Variants in CAMSAP1 observed in about 807,000 individuals in gnomAD.
CAMSAP1 encodes the protein calmodulin regulated spectrin associated protein 1, also known as calmodulin-regulated spectrin-associated protein 1.
A neutral mutation model predicts 143.5 loss-of-function variants in CAMSAP1; 58 were observed. That is an observed-to-expected ratio of 0.40 (90% CI 0.33 to 0.50). The LOEUF is 0.50. Among genes scored for constraint, CAMSAP1 ranks in the 20% least tolerant of loss-of-function variants. The pLI, the probability that CAMSAP1 is intolerant of heterozygous loss-of-function variation, is 0.45. For missense variants in CAMSAP1, 1,969 were observed against 2,115.7 expected, an observed-to-expected ratio of 0.93 and a Z score of 1.36; for synonymous variants, 945 against 859.3, an observed-to-expected ratio of 1.10 and a Z score of -1.74.
chr9:135,815,946 C>T lies in CAMSAP1; in HGVS notation c.4331G>A (p.Arg1444Gln), dbSNP rs144593848. 6 of 1,613,778 alleles carry T rather than the reference C, an allele frequency of 3.7e-6. No homozygotes were observed. The African/African-American group carries it at 5.3e-5, about 14-fold the overall frequency. ...LSRNPSRSTDRDWETASAASS... is the reference protein window; with the variant it reads ...LSRNPSRSTDQDWETASAASS... The stretch of plus-strand genomic sequence containing the variant: ...TGCCGCCGACGCGGTCTCCCAGTCT[C>T]GGTCTGTGCTCCTGCTTGGGTTACG... The change falls in exon 15 of 17, where the codon CGA becomes CAA. Residue 1444 changes from arginine to glutamine, a missense_variant. This residue lies in a region of CAMSAP1 where 1,390 missense variants were observed against 1,420.8 expected (regional missense o/e 0.98). Transcript: ENST00000389532.
Position 135,818,719 on chromosome 9 carries a change from C to A in CAMSAP1, c.3960-103G>T, listed in dbSNP as rs1272784537. 3 of 1,358,530 alleles carry A rather than the reference C, an allele frequency of 2.2e-6. No individual in the cohort carries two copies. The African/African-American group carries it at 4.3e-5, about 20-fold the overall frequency. 84.2% of individuals were successfully genotyped at this position (1,358,530 alleles called of 1,614,324 possible). On this transcript the variant is annotated intron_variant, in intron 12 of 16. Coordinates refer to ENST00000389532, the MANE Select transcript of CAMSAP1 (RefSeq NM_015447.4). This position sits in a 1 kb window ranked among gnomAD's most constrained non-coding sequence, Gnocchi z 7.7. ...GGCGCGTTTCTCGGGTTCTCCCCGGCCGCTGGGACCAAGAGTGGCCAGCCT... is the reference window on the plus strand; with the variant it reads ...GGCGCGTTTCTCGGGTTCTCCCCGGACGCTGGGACCAAGAGTGGCCAGCCT...
chr9:135,839,935 G>A (rs1218980795), intron 7 of CAMSAP1, among the ~76,000 whole-genome samples: 2 of 152,188 alleles, frequency 1.3e-5, no homozygotes, highest in Non-Finnish European at 2.9e-5. Context: ...TCTCAGGCCA[G>A]GACAACAGAC....
Position 135,819,049 on chromosome 9 carries a change from T to C in CAMSAP1, c.3920A>G (p.Gln1307Arg), listed in dbSNP as rs1288598998. 6.2e-7 allele frequency: 1 copy of C among 1,607,184 alleles called. No individual in the cohort carries two copies. The highest frequency in any genetic ancestry group is 1.1e-5 in the South Asian group (1 of 90,106). Residue 1307 changes from glutamine to arginine, a missense_variant, in exon 12 of 17, where the codon CAG becomes CGG. Transcript: ENST00000389532. ...KAEEARVRKQ[Q>R]LEAEVELKRD... The stretch of plus-strand genomic sequence containing the variant: ...CTTGAGCTCCACCTCCGCTTCCAGC[T>C]GCTGCTTGCGCACGCGGGCCTCCTC...
At chr9:135,827,700 C>A in intron 7 of CAMSAP1, 116 bp from the exon 8 acceptor site, 6 of 975,436 alleles carry the variant, frequency 6.2e-6, no homozygotes, top group African/African-American at 3.3e-5. Context: ...AAACTTCTGC[C>A]AAAAAAAACT....
At chr9:135,861,174 G>A (rs567178881) in intron 5 of CAMSAP1, among the ~76,000 whole-genome samples, 1 of 152,310 alleles carries the variant, frequency 6.6e-6, no homozygotes, top group East Asian at 1.9e-4. Context: ...GCTCCTGACA[G>A]CACATAGGCC....
In CAMSAP1 at chr9:135,821,652, G is replaced by A. The variant is rs567718206; in HGVS notation, c.3009C>T (p.Ser1003=). ...LHELERNKVI[S]AALLEDTVGE... is the part of the protein sequence containing the mutation. ...CAACAGTGTCCTCCAGGAGGGCAGC[G>A]GAGATCACCTTATTTCTCTCCAGCT... Residue 1003 remains serine (S), a synonymous_variant, in exon 11 of 17, where the codon TCC becomes TCT. Coordinates refer to ENST00000389532, the MANE Select transcript of CAMSAP1 (RefSeq NM_015447.4). The surrounding 1 kb of genome is among the most constrained non-coding windows in gnomAD (Gnocchi z 4.6). 3.0e-5 allele frequency: 48 copies of A among 1,614,048 alleles called. No individual in the cohort carries two copies. In the South Asian group the frequency reaches 3.5e-4, roughly 12 times the overall value.
chr9:135,892,744 G>A (rs1179902654), intron 1 of CAMSAP1, among the ~76,000 whole-genome samples: 3 of 149,724 alleles, frequency 2.0e-5, no homozygotes, highest in Non-Finnish European at 3.0e-5. Context: ...CCAGCTATTC[G>A]GGAGGCTGAG....
intron 5 of CAMSAP1, among the ~76,000 whole-genome samples, chr9:135,860,834 A>G (rs1837162217): frequency 6.6e-6 from 1 of 152,158 alleles, no homozygotes. Context: ...GTCTTCCAGC[A>G]GGGGTTCTCC....
intron 1 of CAMSAP1, among the ~76,000 whole-genome samples, chr9:135,892,867 A>AAAAAAAAAAAAAAAAAG (rs1554800261): frequency 6.1e-5 from 9 of 147,830 alleles, no homozygotes; most frequent in African/African-American, 2.3e-4. Context: ...AAAAAAAAAA[A>AAAAAAAAAAAAAAAAAG]GAACTAATCA....
intron 7 of CAMSAP1, among the ~76,000 whole-genome samples, chr9:135,827,820 G>A (rs1588450977): frequency 6.6e-6 from 1 of 152,208 alleles, no homozygotes; most frequent in Non-Finnish European, 1.5e-5. Context: ...GAACTGAGAG[G>A]AAATGTAAGC....
At chr9:135,876,665 T>C (rs758077890) in intron 3 of CAMSAP1, among the ~76,000 whole-genome samples, 29 of 152,214 alleles carry the variant, frequency 1.9e-4, no homozygotes, top group Admixed American at 7.8e-4. Flanking sequence ...TTAAGTTATA[T>C]ATACTTATCA....
chr9:135,839,153 C>T (rs1430678165), intron 7 of CAMSAP1, among the ~76,000 whole-genome samples: 1 of 152,246 alleles, frequency 6.6e-6, no homozygotes, highest in Non-Finnish European at 1.5e-5. Flanking sequence ...GCCTATCTGT[C>T]TTTCCTGAGG....
Position 135,882,870 on chromosome 9 carries a change from C to T in CAMSAP1, c.369G>A (p.Glu123=). ...ACTCTGTCACGGGGGTGTCATCACT[C>T]TCCATCACATAGATCCCTTTCCGGG... ...ALSRKGIYVM[E]SDDTPVTESD... The change falls in exon 2 of 17, where the codon GAG becomes GAA. Residue 123 remains glutamate (E), a synonymous_variant. Coordinates refer to ENST00000389532, the MANE Select transcript of CAMSAP1 (RefSeq NM_015447.4). This position sits in a 1 kb window ranked among gnomAD's most constrained non-coding sequence, Gnocchi z 4.9. 1 of 1,551,596 alleles carries T rather than the reference C, an allele frequency of 6.4e-7. No homozygotes were observed. Among genetic ancestry groups the T allele is most frequent in the Non-Finnish European group, 8.7e-7 (1 of 1,147,000 alleles).
chr9:135,881,295 C>T (rs1289159252), intron 3 of CAMSAP1, among the ~76,000 whole-genome samples: 1 of 151,586 alleles, frequency 6.6e-6, no homozygotes, highest in African/African-American at 2.4e-5. Flanking sequence ...GAGGTCAAGG[C>T]TGCAGTAAGC....
rs182898800 is a variant in CAMSAP1 at position 135,875,034 on chromosome 9, G to C, written c.585+6599C>G. 2.0e-4 allele frequency among the ~76,000 whole-genome samples: 30 copies of C among 152,262 alleles called. No individual in the cohort carries two copies. In the East Asian group the frequency reaches 5.6e-3, roughly 28 times the overall value. ...CTGTTAGGTCTACACAGAACGGAGA[G>C]AGATAAGCATGTCTGTGGGCTGGAA... On this transcript the variant is annotated intron_variant, in intron 3 of 16. Coordinates refer to ENST00000389532, the MANE Select transcript of CAMSAP1 (RefSeq NM_015447.4).
chr9:135,865,823 G>A (rs1837358540), intron 4 of CAMSAP1, among the ~76,000 whole-genome samples: 1 of 152,170 alleles, frequency 6.6e-6, no homozygotes, highest in South Asian at 2.1e-4. Context: ...CACTGGAGGG[G>A]GAAGAAGGAA....
intron 14 of CAMSAP1, among the ~76,000 whole-genome samples, chr9:135,816,783 C>A (rs1835243429): frequency 6.6e-6 from 1 of 152,098 alleles, no homozygotes; most frequent in African/African-American, 2.4e-5. Context: ...GACACATGGG[C>A]AAGGGAAGCC....
In CAMSAP1 at chr9:135,821,757, AAG is replaced by A; in HGVS notation, c.2902_2903del (p.Leu968SerfsTer18). Reference sequence around the variant, plus strand: ...CTTTGTCCACATCCTGTGGCTCGTGAAGGAGCTCCTCTCTCTGCTCCTCCTTC... The same window carrying A: ...CTTTGTCCACATCCTGTGGCTCGTGAGAGCTCCTCTCTCTGCTCCTCCTTC... ...LVKEEQREEL[L>X]HEPQDVDKES... On this transcript the variant is annotated frameshift_variant, in exon 11 of 17. Coordinates refer to ENST00000389532, the MANE Select transcript of CAMSAP1 (RefSeq NM_015447.4). LOFTEE classifies it high-confidence loss of function. This position sits in a 1 kb window ranked among gnomAD's most constrained non-coding sequence, Gnocchi z 4.6. The A allele has an allele frequency of 6.2e-7, 1 of 1,613,730 alleles. No individual in the cohort carries two copies. The highest frequency in any genetic ancestry group is 8.5e-7 in the Non-Finnish European group (1 of 1,179,794).
chr9:135,827,360 G>T, intron 8 of CAMSAP1, 47 bp downstream of exon 8: 1 of 1,409,404 alleles, frequency 7.1e-7, no homozygotes, highest in Non-Finnish European at 9.4e-7. Context: ...ACACAAAAAG[G>T]GACACAAGAT....
Sources: gnomAD v4.1 joint callset for allele counts (sites outside exome capture counted in the v4.1 genomes callset) on GRCh38, gnomAD v4.1.1 for gene constraint, gnomAD v4.1.1 regional missense constraint, Gnocchi (gnomAD v3.1) non-coding constraint, MANE v1.5 for transcripts, NCBI Gene and HGNC (gene_info 2026-07-23, HGNC 2026-07-21) for gene names.